The following PANK1 variants were observed in gnomAD, a reference collection of about 807,000 sequenced individuals.
PANK1 encodes the protein pantothenic acid kinase 1.
A neutral mutation model predicts 40.1 loss-of-function variants in PANK1; 18 were observed. That is an observed-to-expected ratio of 0.45 (90% confidence interval 0.31 to 0.67). The LOEUF is 0.67. Ranked by LOEUF, PANK1 falls within the 30% of genes least tolerant of loss-of-function variation. The pLI is 0.06. For missense variants in PANK1, 457 were observed against 599.6 expected, an observed-to-expected ratio of 0.76 and a Z score of 2.48; for synonymous variants, 242 against 237.7, an observed-to-expected ratio of 1.02 and a Z score of -0.17.
intron 6 of PANK1, among the ~76,000 whole-genome samples, chr10:89,586,354 A>G (rs1844195998): frequency 6.6e-6 from 1 of 152,164 alleles, no homozygotes; most frequent in Non-Finnish European, 1.5e-5. Flanking sequence ...TTTTCAAACA[A>G]AACCTTACAT....
At chr10:89,619,258 C>T (rs564846268) in intron 1 of PANK1, among the ~76,000 whole-genome samples, 66 of 152,146 alleles carry the variant, frequency 4.3e-4, no homozygotes, top group African/African-American at 1.5e-3. Context: ...TTAAACAAAG[C>T]CTATTTCTTG....
At chr10:89,605,613 C>G (rs1201023415) in intron 2 of PANK1, among the ~76,000 whole-genome samples, 1 of 152,158 alleles carries the variant, frequency 6.6e-6, no homozygotes, top group Admixed American at 6.5e-5. Context: ...GCTAGTTCTA[C>G]CATATCTGCG....
chr10:89,644,389 G>A lies in PANK1; in HGVS notation c.292+211C>T, dbSNP rs565139135. 4.6e-5 allele frequency among the ~76,000 whole-genome samples: 7 copies of A among 152,312 alleles called. No homozygotes were observed. The East Asian group carries it at 1.4e-3, about 29-fold the overall frequency. On this transcript the variant is annotated intron_variant, in intron 1 of 6. Coordinates refer to ENST00000307534, the MANE Select transcript of PANK1 (RefSeq NM_148977.3). The stretch of plus-strand genomic sequence containing the variant: ...TCCAATCCTCGTTCTACTGATAGAA[G>A]CGAGCAAAGGGCAGGCTCAGGCAAA...
intron 2 of PANK1, among the ~76,000 whole-genome samples, chr10:89,601,301 C>T (rs992919048): frequency 7.3e-6 from 1 of 137,248 alleles, no homozygotes; most frequent in African/African-American, 2.8e-5. Flanking sequence ...ATACGGAGAC[C>T]CATCTCTTAA....
rs1844276298 is a variant in PANK1, at chr10:89,588,641, G to A, written c.1326+11C>T. 3 of 1,591,906 alleles carry A rather than the reference G, an allele frequency of 1.9e-6. No individual in the cohort carries two copies. The East Asian group carries it at 6.8e-5, about 36-fold the overall frequency. The stretch of plus-strand genomic sequence containing the variant: ...CACATATGACAGTAAGTCTATGCAA[G>A]CTCAACCTACCTCATGTTCCAAAAA... On this transcript the variant is annotated intron_variant, in intron 6 of 6. Transcript: ENST00000307534.
At chr10:89,590,744 A>G (rs1320021720) in intron 5 of PANK1, among the ~76,000 whole-genome samples, 1 of 152,176 alleles carries the variant, frequency 6.6e-6, no homozygotes, top group Non-Finnish European at 1.5e-5. Flanking sequence ...TTAAAAATGA[A>G]GCAATTTAAA....
intron 2 of PANK1, among the ~76,000 whole-genome samples, chr10:89,610,494 A>G (rs989104672): frequency 2.6e-5 from 4 of 152,142 alleles, no homozygotes; most frequent in African/African-American, 9.7e-5. Flanking sequence ...GAAGATAATT[A>G]GTCTCACTTA....
chr10:89,615,944 C>A (rs761066337), intron 1 of PANK1, among the ~76,000 whole-genome samples: 1 of 152,138 alleles, frequency 6.6e-6, no homozygotes, highest in Non-Finnish European at 1.5e-5. Context: ...TTCTTTACTC[C>A]AGCATACCCA....
At chr10:89,585,533 C>A (rs934830275) in intron 6 of PANK1, among the ~76,000 whole-genome samples, 5 of 152,136 alleles carry the variant, frequency 3.3e-5, no homozygotes, top group Admixed American at 6.6e-5. Flanking sequence ...TTTATTGAGG[C>A]CCCACTAATG....
At chr10:89,581,102 T>G (rs1844042996), downstream of PANK1, 1 of 151,042 alleles carries the variant, frequency 6.6e-6, no homozygotes. Flanking sequence ...CTGCTGTGAA[T>G]GTGAATGAAT....
intron 1 of PANK1, among the ~76,000 whole-genome samples, chr10:89,619,996 A>G (rs1050343638): frequency 1.3e-5 from 2 of 152,170 alleles, no homozygotes; most frequent in African/African-American, 4.8e-5. Flanking sequence ...CTTTACTGCA[A>G]TCTCTGAACA....
At chr10:89,624,744 A>G (rs1845606877) in intron 1 of PANK1, among the ~76,000 whole-genome samples, 2 of 152,380 alleles carry the variant, frequency 1.3e-5, no homozygotes, top group South Asian at 4.1e-4. Context: ...TGTTAAAAAT[A>G]CAGACTCCCA....
intron 1 of PANK1, among the ~76,000 whole-genome samples, chr10:89,624,515 A>G (rs1845600922): frequency 6.6e-6 from 1 of 152,242 alleles, no homozygotes; most frequent in Admixed American, 6.5e-5. Context: ...TAAAACTGAC[A>G]TGATACCATA....
At chr10:89,641,604 C>T (rs903538035) in intron 1 of PANK1, among the ~76,000 whole-genome samples, 2 of 150,736 alleles carry the variant, frequency 1.3e-5, no homozygotes, top group East Asian at 2.2e-4. Flanking sequence ...TGGTGGTGGG[C>T]GCCTGTAGTC....
intron 3 of PANK1, among the ~76,000 whole-genome samples, chr10:89,597,869 G>A (rs567369628): frequency 2.6e-5 from 4 of 152,278 alleles, no homozygotes; most frequent in Non-Finnish European, 4.4e-5. Flanking sequence ...ATGAGGTCAC[G>A]GAGTCAGTTT....
At chr10:89,611,055 A>C (rs1845136364) in intron 2 of PANK1, among the ~76,000 whole-genome samples, 1 of 152,214 alleles carries the variant, frequency 6.6e-6, no homozygotes, top group African/African-American at 2.4e-5. Flanking sequence ...TTCATTTGTT[A>C]AATCTAAATG....
chr10:89,636,689 G>A (rs1335736127), intron 1 of PANK1, among the ~76,000 whole-genome samples: 3 of 151,628 alleles, frequency 2.0e-5, no homozygotes, highest in African/African-American at 7.3e-5. Flanking sequence ...CTGACCTCGT[G>A]ATCCGCCTGC....
chr10:89,596,434 TGAC>T (rs1380108729), intron 3 of PANK1, among the ~76,000 whole-genome samples: 2 of 152,068 alleles, frequency 1.3e-5, no homozygotes, highest in East Asian at 3.9e-4. Context: ...GACTGGAAAA[TGAC>T]AGACAACTCC....
chr10:89,630,550 C>T (rs1250873021), intron 1 of PANK1, among the ~76,000 whole-genome samples: 1 of 150,282 alleles, frequency 6.7e-6, no homozygotes, highest in African/African-American at 2.5e-5. Flanking sequence ...TGGAGTGCAG[C>T]GGCGCGATCT....
Sources: allele counts gnomAD v4.1 joint callset (sites outside exome capture counted in the v4.1 genomes callset), GRCh38; gene constraint gnomAD v4.1.1; transcripts MANE v1.5; gene names NCBI Gene and HGNC (gene_info 2026-07-23, HGNC 2026-07-21).